The following CAPN13 variants were observed in gnomAD, a reference collection of about 807,000 sequenced individuals.
CAPN13 encodes the protein calpain-13.
A neutral mutation model predicts 98.4 loss-of-function variants in CAPN13; 90 were observed. That is an observed-to-expected ratio of 0.92 (90% CI 0.77 to 1.09). CAPN13 has a LOEUF of 1.09. Among genes scored for constraint, CAPN13 ranks in the 50% least tolerant of loss-of-function variants. CAPN13 has a pLI of 0.00. For missense variants in CAPN13, 887 were observed against 841.3 expected, an observed-to-expected ratio of 1.05 and a Z score of -0.67; for synonymous variants, 330 against 305.5, an observed-to-expected ratio of 1.08 and a Z score of -0.84.
intron 1 of CAPN13, among the ~76,000 whole-genome samples, chr2:30,802,592 G>A (rs1378457651): frequency 6.6e-6 from 1 of 150,788 alleles, no homozygotes; most frequent in Non-Finnish European, 1.5e-5. Context: ...TGTTCCTTCT[G>A]TCATTCTTTC....
In CAPN13 at chr2:30,741,917, A is replaced by AT. The variant is rs1404236039; in HGVS notation, c.1526dup (p.Tyr509Ter). 3 of 1,613,810 alleles carry AT rather than the reference A, an allele frequency of 1.9e-6. No individual in the cohort carries two copies. The highest frequency in any genetic ancestry group is 2.5e-6 in the Non-Finnish European group (3 of 1,179,874). Residue 509 changes from tyrosine (Y) to a stop codon, truncating the protein, a stop_gained and frameshift_variant, in exon 15 of 23, where the codon TAT becomes TAAT. Transcript: ENST00000295055. LOFTEE classifies it high-confidence loss of function. ...GTGCTAGGTACCATACCTGCTGAGC[A>AT]TATCTGTTGAAAATGCTTTGTTGGG... ...HGSQQSIFNR[Y>*]AQQRLDIDAT...
intron 7 of CAPN13, among the ~76,000 whole-genome samples, chr2:30,761,268 A>G (rs1031811433): frequency 6.6e-6 from 1 of 152,134 alleles, no homozygotes. Context: ...GGTCTTGATC[A>G]CCTGTCTTCC....
chr2:30,749,886 T>G (rs1672088970), intron 11 of CAPN13, among the ~76,000 whole-genome samples: 1 of 152,120 alleles, frequency 6.6e-6, no homozygotes, highest in Admixed American at 6.5e-5. Context: ...AGAGATCAGA[T>G]TTTCTTTTGT....
Position 30,770,299 on chromosome 2 carries a change from G to C in CAPN13, c.524+14C>G, listed in dbSNP as rs777246605. The C allele has an allele frequency of 1.9e-6, 3 of 1,612,702 alleles. No homozygotes were observed. The South Asian group carries it at 3.3e-5, about 18-fold the overall frequency. On this transcript the variant is annotated intron_variant, in intron 5 of 22. Coordinates refer to ENST00000295055, the MANE Select transcript of CAPN13 (RefSeq NM_144575.3). ...CTGAAACTCTGGGCTGATGGGTGGC[G>C]GGGTTGTACTTACTTGGCATAGGCC...
In CAPN13 at chr2:30,734,378, G is replaced by A. The variant is rs1671249439; in HGVS notation, c.1798+71C>T. The A allele has an allele frequency of 5.1e-6, 6 of 1,180,116 alleles. No individual in the cohort carries two copies. The South Asian group carries it at 6.3e-5, about 12-fold the overall frequency. The allele number at this position is 1,180,116 out of a possible 1,614,324, so 73.1% of individuals were successfully genotyped here. On this transcript the variant is annotated intron_variant, in intron 19 of 22. Transcript: ENST00000295055. ...TGCCTGGCACTGTTGTGCCAGCCTT[G>A]CTACTAGGGGTGTGGGCATCACCCC...
intron 22 of CAPN13, among the ~76,000 whole-genome samples, chr2:30,730,504 C>T (rs1338623361): frequency 6.6e-6 from 1 of 151,792 alleles, no homozygotes; most frequent in Non-Finnish European, 1.5e-5. Context: ...GCCTTTCAAG[C>T]CATGCCTTTC....
At chr2:30,745,226 TG>T in intron 12 of CAPN13, 1 of 472,568 alleles carries the variant, frequency 2.1e-6, no homozygotes, top group Non-Finnish European at 4.4e-6. Context: ...CTTCCTCATA[TG>T]GGCAAGTCAC....
intron 18 of CAPN13, among the ~76,000 whole-genome samples, chr2:30,734,879 G>A (rs1373651450): frequency 3.3e-5 from 5 of 152,190 alleles, no homozygotes; most frequent in Admixed American, 6.5e-5. Context: ...GGCTTAAATC[G>A]TGGACTATTT....
intron 1 of CAPN13, among the ~76,000 whole-genome samples, chr2:30,794,130 G>A (rs547534272): frequency 5.0e-4 from 75 of 150,760 alleles, no homozygotes; most frequent in Middle Eastern, 6.9e-3. Flanking sequence ...TTCAGACTAC[G>A]TGAAAATATT....
intron 19 of CAPN13, among the ~76,000 whole-genome samples, chr2:30,733,763 G>C (rs1671216998): frequency 6.6e-6 from 1 of 152,208 alleles, no homozygotes; most frequent in Non-Finnish European, 1.5e-5. Context: ...TATCCTTCCA[G>C]TGTTAACCCG....
In CAPN13 at chr2:30,753,042, G is replaced by A. The variant is rs558305454; in HGVS notation, c.1087+11C>T. The A allele has an allele frequency of 1.5e-5, 24 of 1,613,640 alleles. No individual in the cohort carries two copies. Among genetic ancestry groups the A allele is most frequent in the Middle Eastern group, 1.7e-4 (1 of 6,006 alleles). ...CCAGTTGGGCAGTGTGACCACCAGC[G>A]TCATGATTACCTGCAGTGTTTCCTA... is the stretch of plus-strand genomic sequence containing the variant. On this transcript the variant is annotated intron_variant, in intron 10 of 22. Coordinates refer to ENST00000295055, the MANE Select transcript of CAPN13 (RefSeq NM_144575.3).
rs1366052091 is a variant in CAPN13, at chr2:30,732,529, C to G, written c.1836G>C (p.Leu612=). ...LRGIFISREL[L]HLVTLRYSDS... is the part of the protein sequence containing the mutation. ...CGCTGTACCTGAGGGTCACCAGATGCAGCAGCTCACGGCTGATGAAGATCC... is the reference window on the plus strand; with the variant it reads ...CGCTGTACCTGAGGGTCACCAGATGGAGCAGCTCACGGCTGATGAAGATCC... The change falls in exon 20 of 23, where the codon CTG becomes CTC. Residue 612 remains leucine, a synonymous_variant. Transcript: ENST00000295055. 1 of 1,610,942 alleles carries G rather than the reference C, an allele frequency of 6.2e-7. No individual in the cohort carries two copies. Among genetic ancestry groups the G allele is most frequent in the Admixed American group, 1.7e-5 (1 of 59,660 alleles).
chr2:30,751,025 C>G, intron 11 of CAPN13, 78 bp downstream of exon 11: 10 of 1,500,596 alleles, frequency 6.7e-6, no homozygotes, highest in Non-Finnish European at 9.1e-6. Context: ...ATCTCCCAGC[C>G]TGGCCAGAGC....
intron 11 of CAPN13, among the ~76,000 whole-genome samples, chr2:30,749,711 C>T (rs193189799): frequency 6.6e-6 from 1 of 152,232 alleles, no homozygotes; most frequent in Non-Finnish European, 1.5e-5. Context: ...CTTCACTTTT[C>T]GGGGCCTCAG....
At chr2:30,765,422 G>A (rs1673062558) in intron 5 of CAPN13, among the ~76,000 whole-genome samples, 1 of 152,202 alleles carries the variant, frequency 6.6e-6, no homozygotes, top group African/African-American at 2.4e-5. Flanking sequence ...AGCAGGCAGA[G>A]GCAGAGCCCT....
Position 30,764,177 on chromosome 2 carries a change from T to C in CAPN13, c.654A>G (p.Thr218=). 1 of 1,600,808 alleles carries C rather than the reference T, an allele frequency of 6.2e-7. No homozygotes were observed. The highest frequency in any genetic ancestry group is 2.3e-5 in the East Asian group (1 of 44,358). The part of the protein sequence containing the change: ...SPVDLVKAVK[T]ATKAGSLITC... ...TTATCAGGGAGCCTGCCTTGGTCGC[T>C]GTCTTCACTGCCTTCACCAGGTCCA... is the stretch of plus-strand genomic sequence containing the variant. The change falls in exon 6 of 23, where the codon ACA becomes ACG. Residue 218 remains threonine, a synonymous_variant. Coordinates refer to ENST00000295055, the MANE Select transcript of CAPN13 (RefSeq NM_144575.3).
chr2:30,757,536 C>T (rs1672516301), intron 8 of CAPN13, among the ~76,000 whole-genome samples: 1 of 152,224 alleles, frequency 6.6e-6, no homozygotes, highest in East Asian at 1.9e-4. Context: ...TGGACAAAAA[C>T]ATCATCCAGA....
At chr2:30,738,036 G>A (rs1029798358) in intron 17 of CAPN13, 199 bp downstream of exon 17, 1 of 638,498 alleles carries the variant, frequency 1.6e-6, no homozygotes, top group African/African-American at 1.8e-5. Flanking sequence ...CATAGTAGGT[G>A]CTTGATAGAT....
intron 14 of CAPN13, 146 bp downstream of exon 14, chr2:30,742,180 C>A (rs911253284): frequency 1.8e-6 from 2 of 1,087,068 alleles, no homozygotes; most frequent in Non-Finnish European, 2.7e-6. Context: ...CCCCCTACCC[C>A]GCCCCTTTGA....
Sources: gnomAD v4.1 joint callset for allele counts (sites outside exome capture counted in the v4.1 genomes callset) on GRCh38, gnomAD v4.1.1 for gene constraint, MANE v1.5 for transcripts, NCBI Gene and HGNC (gene_info 2026-07-23, HGNC 2026-07-21) for gene names.